Variants in VAT1L observed in about 807,000 individuals in gnomAD.
VAT1L encodes putative NADPH-dependent quinone oxidoreductase VAT1L.
A neutral mutation model predicts 44.1 loss-of-function variants in VAT1L; 34 were observed. That is an observed-to-expected ratio of 0.77 (90% CI 0.59 to 1.03). VAT1L has a LOEUF of 1.03. Among genes scored for constraint, VAT1L ranks in the 50% least tolerant of loss-of-function variants. The pLI, the probability that VAT1L is intolerant of heterozygous loss-of-function variation, is 0.00. For synonymous variants in VAT1L, 253 were observed against 202.2 expected (o/e 1.25, Z -2.13); for missense variants, 615 against 538.8 (o/e 1.14, Z -1.40).
chr16:77,932,132 C>T (rs894864604), intron 7 of VAT1L, among the ~76,000 whole-genome samples: 15 of 126,084 alleles, frequency 1.2e-4, no homozygotes, highest in African/African-American at 4.2e-4. Context: ...GAGATGGAGT[C>T]TCGTTCTGTC....
intron 7 of VAT1L, among the ~76,000 whole-genome samples, chr16:77,889,264 G>A (rs2017239399): frequency 1.3e-5 from 2 of 152,174 alleles, no homozygotes; most frequent in African/African-American, 2.4e-5. Context: ...GACGATTAAA[G>A]TTTCCTCTTA....
chr16:77,926,806 C>G (rs1470373426), intron 7 of VAT1L, among the ~76,000 whole-genome samples: 2 of 152,128 alleles, frequency 1.3e-5, no homozygotes, highest in African/African-American at 4.8e-5. Flanking sequence ...CAGACATGTC[C>G]CATTCCGCTT....
At chr16:77,809,732 C>G (rs561897369) in intron 1 of VAT1L, among the ~76,000 whole-genome samples, 1 of 152,312 alleles carries the variant, frequency 6.6e-6, no homozygotes, top group East Asian at 1.9e-4. Flanking sequence ...GGTTCATAGT[C>G]TTTATCGAGT....
At chr16:77,795,166 C>T (rs893180979) in intron 1 of VAT1L, among the ~76,000 whole-genome samples, 2 of 151,880 alleles carry the variant, frequency 1.3e-5, no homozygotes, top group Non-Finnish European at 2.9e-5. Flanking sequence ...CTCCCTCAAT[C>T]TGTATCTTCA....
chr16:77,814,352 G>A (rs2016315800), intron 1 of VAT1L, among the ~76,000 whole-genome samples: 1 of 152,066 alleles, frequency 6.6e-6, no homozygotes, highest in Admixed American at 6.6e-5. Context: ...AAAAATAGGG[G>A]GCATTCTCCA....
At position 77,876,232 on chromosome 16, in the gene VAT1L, G is replaced by T. The variant is rs2017085740; in HGVS notation, c.723-138G>T. The T allele has an allele frequency of 4.3e-6, 3 of 692,288 alleles. No individual in the cohort carries two copies. The South Asian group carries it at 5.3e-5, about 12-fold the overall frequency. 42.9% of individuals were successfully genotyped at this position (692,288 alleles called of 1,614,324 possible). A position where few individuals can be genotyped will look rare whatever the true frequency, so the allele number is the denominator to read the frequency against. On this transcript the variant is annotated intron_variant, in intron 4 of 8. Coordinates refer to ENST00000302536, the MANE Select transcript of VAT1L (RefSeq NM_020927.3). ...AGACATATCCACCTCCTGGGCTTCT[G>T]CCCTATTTATTGCTACTCCTGGAGC... is the stretch of plus-strand genomic sequence containing the variant.
Position 77,811,910 on chromosome 16 carries a change from G to C in VAT1L, c.234-5011G>C, listed in dbSNP as rs181898877. Reference sequence around the variant, plus strand: ...CTAAGCTTTGATTTTGATAATGTTTGAAACAGAGCCCACAGGATAAAGGAC... The same window carrying C: ...CTAAGCTTTGATTTTGATAATGTTTCAAACAGAGCCCACAGGATAAAGGAC... On this transcript the variant is annotated intron_variant, in intron 1 of 8. Coordinates refer to ENST00000302536, the MANE Select transcript of VAT1L (RefSeq NM_020927.3). 6.6e-4 allele frequency among the ~76,000 whole-genome samples: 100 copies of C among 152,250 alleles called. 1 individual carries two copies. Among genetic ancestry groups the C allele is most frequent in the African/African-American group, 2.4e-3 (99 of 41,542 alleles).
chr16:77,858,843 A>T (rs555292799), intron 3 of VAT1L, among the ~76,000 whole-genome samples: 1 of 152,180 alleles, frequency 6.6e-6, no homozygotes, highest in South Asian at 2.1e-4. Flanking sequence ...TACAAAAAAA[A>T]ATTTTAAAAA....
chr16:77,851,284 A>T (rs1456789840), intron 3 of VAT1L, among the ~76,000 whole-genome samples: 34 of 152,198 alleles, frequency 2.2e-4, no homozygotes, highest in Admixed American at 2.2e-3. Context: ...AGAGGGTGTG[A>T]AAAAAGCTAT....
intron 7 of VAT1L, among the ~76,000 whole-genome samples, chr16:77,904,602 G>A (rs1242918964): frequency 6.6e-6 from 1 of 152,146 alleles, no homozygotes; most frequent in Non-Finnish European, 1.5e-5. Context: ...GCCTCCCAAA[G>A]CCTCCATCTC....
intron 7 of VAT1L, among the ~76,000 whole-genome samples, chr16:77,943,444 G>A (rs1567516848): frequency 6.9e-6 from 1 of 144,500 alleles, no homozygotes; most frequent in Non-Finnish European, 1.5e-5. Flanking sequence ...TAGTTTCCCG[G>A]GCTGGAGTGC....
At chr16:77,823,239 A>T (rs1296541100) in intron 2 of VAT1L, among the ~76,000 whole-genome samples, 1 of 151,550 alleles carries the variant, frequency 6.6e-6, no homozygotes, top group Non-Finnish European at 1.5e-5. Flanking sequence ...CAAAAAATGA[A>T]CTCTGTTATC....
At chr16:77,894,095 C>G (rs2017296353) in intron 7 of VAT1L, among the ~76,000 whole-genome samples, 1 of 152,180 alleles carries the variant, frequency 6.6e-6, no homozygotes, top group Non-Finnish European at 1.5e-5. Flanking sequence ...GGCAGTTTGG[C>G]TCTCGAGTCC....
intron 1 of VAT1L, among the ~76,000 whole-genome samples, chr16:77,813,652 G>C (rs1332785934): frequency 6.6e-6 from 1 of 152,142 alleles, no homozygotes; most frequent in African/African-American, 2.4e-5. Flanking sequence ...TTCCACGTAT[G>C]CTTCCCCAAA....
intron 1 of VAT1L, among the ~76,000 whole-genome samples, chr16:77,809,311 C>T (rs1181328292): frequency 6.6e-6 from 1 of 152,204 alleles, no homozygotes; most frequent in Non-Finnish European, 1.5e-5. Flanking sequence ...ATTACAATTG[C>T]TAGCCACAAA....
At chr16:77,883,238 C>T (rs1597081749) in intron 6 of VAT1L, among the ~76,000 whole-genome samples, 1 of 152,274 alleles carries the variant, frequency 6.6e-6, no homozygotes, top group African/African-American at 2.4e-5. Flanking sequence ...TGATTTTGAA[C>T]ATCTTATCCC....
chr16:77,927,709 C>G (rs923507937), intron 7 of VAT1L, among the ~76,000 whole-genome samples: 38 of 151,818 alleles, frequency 2.5e-4, no homozygotes, highest in Non-Finnish European at 4.7e-4. Flanking sequence ...AACCCCGTCT[C>G]TACTAAAAAA....
intron 7 of VAT1L, among the ~76,000 whole-genome samples, chr16:77,900,753 C>T (rs2142475655): frequency 6.6e-6 from 1 of 151,736 alleles, no homozygotes; most frequent in South Asian, 2.1e-4. Context: ...ATTGTGCCAC[C>T]CTAAACAAAA....
intron 7 of VAT1L, among the ~76,000 whole-genome samples, chr16:77,907,547 T>C (rs2017451369): frequency 6.6e-6 from 1 of 152,242 alleles, no homozygotes; most frequent in South Asian, 2.1e-4. Context: ...CTCTCACTTC[T>C]TGGACACCCT....
Sources: gnomAD v4.1 joint callset for allele counts (sites outside exome capture counted in the v4.1 genomes callset) on GRCh38, gnomAD v4.1.1 for gene constraint, MANE v1.5 for transcripts, NCBI Gene and HGNC (gene_info 2026-07-23, HGNC 2026-07-21) for gene names.